GOLGA8H: variants seen among roughly 807,000 people sequenced by gnomAD.
GOLGA8H encodes the protein golgin subfamily A member 8H.
GOLGA8H carries 47 observed loss-of-function variants against 82.7 expected under a neutral mutation model. The observed-to-expected ratio is 0.57, with a 90% confidence interval of 0.45 to 0.73. The LOEUF is 0.73. GOLGA8H is among the 30% of genes least tolerant of loss of function. GOLGA8H has a pLI of 0.00. For missense variants in GOLGA8H, 372 were observed against 661.0 expected (o/e 0.56, Z 4.79); for synonymous variants, 108 against 241.6 (o/e 0.45, Z 5.13).
chr15:30,607,802 A>G (rs1302907907), intron 4 of GOLGA8H: 1 of 594,470 alleles, frequency 1.7e-6, no homozygotes, highest in African/African-American at 1.9e-5. Flanking sequence ...CTGTCCTCTC[A>G]AGAGATTCCA....
At chr15:30,613,914 T>A (rs1410811003) in intron 16 of GOLGA8H, 39 bp from the exon 17 acceptor site, 4 of 1,492,976 alleles carry the variant, frequency 2.7e-6, no homozygotes, top group Non-Finnish European at 3.7e-6. Flanking sequence ...TACAGGGCCG[T>A]CGGAGGGGCC....
chr15:30,610,025 A>G lies in GOLGA8H; in HGVS notation c.705A>G (p.Gln235=), dbSNP rs1158079043. The G allele has an allele frequency of 1.2e-6, 2 of 1,611,696 alleles. No individual in the cohort carries two copies. Among genetic ancestry groups the G allele is most frequent in the Non-Finnish European group, 8.5e-7 (1 of 1,179,728 alleles). The part of the protein sequence containing the change: ...TQLKESFQQV[Q]LERDECAEHL... Reference sequence around the variant, plus strand: ...TGAAGGAGTCATTTCAACAAGTCCAATTAGAAAGAGATGAGTGTGCTGAAC... The same window carrying G: ...TGAAGGAGTCATTTCAACAAGTCCAGTTAGAAAGAGATGAGTGTGCTGAAC... Residue 235 remains glutamine (Q), a synonymous_variant, in exon 10 of 19, where the codon CAA becomes CAG. Transcript: ENST00000566740.
At chr15:30,609,735 T>G in intron 8 of GOLGA8H, 71 bp from the exon 9 acceptor site, 1 of 1,586,352 alleles carries the variant, frequency 6.3e-7, no homozygotes, top group Non-Finnish European at 8.6e-7. Flanking sequence ...CTAGCCCTAG[T>G]CCTTTTAAGG....
At position 30,612,640 on chromosome 15, in the gene GOLGA8H, C is replaced by A. The variant is rs1218389797; in HGVS notation, c.1244C>A (p.Ala415Asp). The change falls in exon 14 of 19, where the codon GCC becomes GAC. Residue 415 changes from alanine to aspartate, a missense_variant. Coordinates refer to ENST00000566740, the MANE Select transcript of GOLGA8H (RefSeq NM_001282490.2). Reference sequence around the variant, plus strand: ...AGCCAGCAGAACCAGCAGCTAACGGCCCAGCTGAGCCTCATGGCTCTCCCT... The same window carrying A: ...AGCCAGCAGAACCAGCAGCTAACGGACCAGCTGAGCCTCATGGCTCTCCCT... ...AASQQNQQLT[A>D]QLSLMALPGE... The A allele has an allele frequency of 5.0e-6, 8 of 1,596,776 alleles. No individual in the cohort carries two copies. In the South Asian group the frequency reaches 8.8e-5, roughly 18 times the overall value.
chr15:30,616,080 G>A lies in GOLGA8H; in HGVS notation c.*1519G>A, dbSNP rs1195392676. On this transcript the variant is annotated 3_prime_UTR_variant, in exon 19 of 19. Transcript: ENST00000566740. Reference sequence around the variant, plus strand: ...TTTTTGTACCTCTGGGTTTCTGTTCGGGACATATTTTGTGCGATATTTATG... The same window carrying A: ...TTTTTGTACCTCTGGGTTTCTGTTCAGGACATATTTTGTGCGATATTTATG... Among the ~76,000 whole-genome samples the A allele has an allele frequency of 4.0e-5, 6 of 151,790 alleles. No individual in the cohort carries two copies. The highest frequency in any genetic ancestry group is 6.6e-5 in the Admixed American group (1 of 15,224).
intron 2 of GOLGA8H, 85 bp downstream of exon 2, chr15:30,606,047 G>T (rs1393298616): frequency 6.5e-7 from 1 of 1,529,218 alleles, no homozygotes; most frequent in African/African-American, 1.4e-5. Context: ...ATGGACTGCT[G>T]GGTACTGGTT....
chr15:30,607,921 G>A (rs2059947567), intron 4 of GOLGA8H, 109 bp from the exon 5 acceptor site: 2 of 1,460,368 alleles, frequency 1.4e-6, no homozygotes, highest in Non-Finnish European at 1.9e-6. Context: ...CATTATGTCT[G>A]AGAACTTTGC....
Position 30,608,679 on chromosome 15 carries a change from C to T in GOLGA8H, c.514C>T (p.His172Tyr). The change falls in exon 8 of 19, where the codon CAT (histidine) becomes TAT (tyrosine). Residue 172 changes from histidine (H) to tyrosine (Y), a missense_variant. Transcript: ENST00000566740. ...KSKDLAVCLQ[H>Y]SLQRKGELES... ...CAAGGATCTGGCTGTCTGCCTGCAA[C>T]ATTCATTGCAGCGTAAAGGAGAGTT... 4.6e-6 allele frequency: 7 copies of T among 1,518,016 alleles called. 1 individual carries two copies. The highest frequency in any genetic ancestry group is 2.2e-5 in the South Asian group (2 of 89,742). 94.0% of individuals were successfully genotyped at this position (1,518,016 alleles called of 1,614,324 possible).
rs906583433 is a variant in GOLGA8H at position 30,609,959 on chromosome 15, C to A, written c.679-40C>A. ...CAGGTGGCCAGGAGCAGGTGAGGACCAGTGACAGCCCTTCCTAAGTTCTGT... is the reference window on the plus strand; with the variant it reads ...CAGGTGGCCAGGAGCAGGTGAGGACAAGTGACAGCCCTTCCTAAGTTCTGT... On this transcript the variant is annotated intron_variant, in intron 9 of 18. Coordinates refer to ENST00000566740, the MANE Select transcript of GOLGA8H (RefSeq NM_001282490.2). 1.1e-5 allele frequency: 17 copies of A among 1,603,870 alleles called. No homozygotes were observed. In the African/African-American group the frequency reaches 1.9e-4, roughly 18 times the overall value.
intron 4 of GOLGA8H, 21 bp from the exon 5 acceptor site, chr15:30,608,009 C>T (rs1415479191): frequency 1.3e-6 from 2 of 1,592,058 alleles, no homozygotes; most frequent in Admixed American, 1.7e-5. Context: ...CCTCCATCAC[C>T]TTATTTGACT....
At chr15:30,609,968 C>T in intron 9 of GOLGA8H, 31 bp from the exon 10 acceptor site, 3 of 1,605,488 alleles carry the variant, frequency 1.9e-6, no homozygotes, top group South Asian at 1.1e-5. Flanking sequence ...CCAGTGACAG[C>T]CCTTCCTAAG....
intron 8 of GOLGA8H, among the ~76,000 whole-genome samples, chr15:30,609,061 G>T (rs2059974389): frequency 7.8e-6 from 1 of 128,410 alleles, no homozygotes; most frequent in African/African-American, 3.2e-5. Context: ...TACTGTGAAG[G>T]TACAGAAGAG....
intron 1 of GOLGA8H, 92 bp from the exon 2 acceptor site, chr15:30,605,751 G>T: frequency 6.5e-7 from 1 of 1,547,086 alleles, no homozygotes; most frequent in Non-Finnish European, 8.7e-7. Flanking sequence ...AAATCAGATG[G>T]TGTGTAAGTG....
intron 15 of GOLGA8H, chr15:30,613,453 G>A (rs1413689787): frequency 9.5e-6 from 1 of 105,170 alleles, no homozygotes; most frequent in African/African-American, 4.3e-5. Context: ...GCCCTCAGGT[G>A]GCATTTTTCA....
Position 30,614,976 on chromosome 15 carries a change from T to C in GOLGA8H, c.*415T>C, listed in dbSNP as rs1402155795. Among the ~76,000 whole-genome samples the C allele has an allele frequency of 4.6e-5, 7 of 151,866 alleles. No homozygotes were observed. Among genetic ancestry groups the C allele is most frequent in the Non-Finnish European group, 1.5e-5 (1 of 67,948 alleles). On this transcript the variant is annotated 3_prime_UTR_variant, in exon 19 of 19. Coordinates refer to ENST00000566740, the MANE Select transcript of GOLGA8H (RefSeq NM_001282490.2). ...GAATTCAGACAAAATTTGCCTATGT[T>C]CTGCTGTTGTTTGATCTAATCTTAA... is the stretch of plus-strand genomic sequence containing the variant.
In GOLGA8H at chr15:30,616,947, C is replaced by T. The variant is rs1425231126; in HGVS notation, c.*2386C>T. The T allele has an allele frequency of 6.7e-6, 1 of 148,478 alleles. No individual in the cohort carries two copies. Among genetic ancestry groups the T allele is most frequent in the Non-Finnish European group, 1.5e-5 (1 of 67,238 alleles). 9.2% of individuals were successfully genotyped at this position (148,478 alleles called of 1,614,324 possible). On this transcript the variant is annotated 3_prime_UTR_variant, in exon 19 of 19. Transcript: ENST00000566740. ...TAAATCACACACTGGCATATTTAAG[C>T]TGAAGGTCAGTCTGGAAAATAAATT...
chr15:30,604,125 G>A lies in GOLGA8H; in HGVS notation c.-1G>A, dbSNP rs200206628. ...AACCCTGCCTCCCTCCCCACCCTGC[G>A]ATGGCAGAAGAAACTCAACACAACA... On this transcript the variant is annotated 5_prime_UTR_variant, in exon 1 of 19. Coordinates refer to ENST00000566740, the MANE Select transcript of GOLGA8H (RefSeq NM_001282490.2). The A allele has an allele frequency of 0.042, 63,643 of 1,513,612 alleles. 2,569 individuals are homozygous for A. Among genetic ancestry groups the A allele is most frequent in the African/African-American group, 0.091 (5,723 of 63,140 alleles). The allele number at this position is 1,513,612 out of a possible 1,614,324, so 93.8% of individuals were successfully genotyped here. A position where few individuals can be genotyped will look rare whatever the true frequency, so the allele number is the denominator to read the frequency against.
At position 30,612,566 on chromosome 15, in the gene GOLGA8H, C is replaced by T. The variant is rs1487861882; in HGVS notation, c.1201-31C>T. Reference sequence around the variant, plus strand: ...GTGAGGGGGACGACCTGGCAAACTCCACCCCTTCTCACTCTGTCCTGGCCC... The same window carrying T: ...GTGAGGGGGACGACCTGGCAAACTCTACCCCTTCTCACTCTGTCCTGGCCC... On this transcript the variant is annotated intron_variant, in intron 13 of 18. Coordinates refer to ENST00000566740, the MANE Select transcript of GOLGA8H (RefSeq NM_001282490.2). The T allele has an allele frequency of 3.8e-6, 6 of 1,591,966 alleles. No individual in the cohort carries two copies. The African/African-American group carries it at 5.5e-5, about 15-fold the overall frequency.
At position 30,606,374 on chromosome 15, in the gene GOLGA8H, T is replaced by C. The variant is rs1452661095; in HGVS notation, c.168+412T>C. 8.0e-5 allele frequency among the ~76,000 whole-genome samples: 12 copies of C among 149,772 alleles called. 1 individual carries two copies. The East Asian group carries it at 2.4e-3, about 29-fold the overall frequency. On this transcript the variant is annotated intron_variant, in intron 2 of 18. Transcript: ENST00000566740. ...TCTCAAAGAAAAAAAAAAAAGGAATTCTGGATTTGAATCCTGCCTCTCCAT... is the reference window on the plus strand; with the variant it reads ...TCTCAAAGAAAAAAAAAAAAGGAATCCTGGATTTGAATCCTGCCTCTCCAT...
Sources: gnomAD v4.1 joint callset for allele counts (sites outside exome capture counted in the v4.1 genomes callset) on GRCh38, gnomAD v4.1.1 for gene constraint, MANE v1.5 for transcripts, NCBI Gene and HGNC (gene_info 2026-07-23, HGNC 2026-07-21) for gene names.